Variants in SLC35F4 observed in about 807,000 individuals in gnomAD.
SLC35F4 encodes the protein chromosome 14 open reading frame 36.
In SLC35F4, 24 loss-of-function variants were observed where a neutral mutation model predicts 44.2. The observed-to-expected ratio is 0.54, with a 90% CI of 0.39 to 0.76. SLC35F4 has a LOEUF of 0.76. Among genes scored for constraint, SLC35F4 ranks in the 30% least tolerant of loss-of-function variants. The pLI is 0.00. For synonymous variants in SLC35F4, 238 were observed against 223.6 expected (o/e 1.06, Z -0.57); for missense variants, 562 against 586.1 (o/e 0.96, Z 0.42).
intron 1 of SLC35F4, among the ~76,000 whole-genome samples, chr14:57,614,923 C>T (rs2140065686): frequency 6.6e-6 from 1 of 152,268 alleles, no homozygotes; most frequent in Middle Eastern, 3.4e-3. Context: ...TTTAAGTGTT[C>T]TCGTCCATAA....
chr14:57,972,366 G>T (rs1308171866), downstream of SLC35F4, among the ~76,000 whole-genome samples: 1 of 152,128 alleles, frequency 6.6e-6, no homozygotes, highest in African/African-American at 2.4e-5. Context: ...CTACAGCACT[G>T]GTCCAGGTGG....
chr14:57,670,898 C>T (rs1438651886), intron 1 of SLC35F4, among the ~76,000 whole-genome samples: 9 of 114,056 alleles, frequency 7.9e-5, no homozygotes, highest in Admixed American at 4.4e-4. Flanking sequence ...GTAACTCATT[C>T]ATTCTTTTTT....
intron 1 of SLC35F4, among the ~76,000 whole-genome samples, chr14:57,690,226 A>G (rs2075190053): frequency 6.6e-6 from 1 of 152,202 alleles, no homozygotes; most frequent in Non-Finnish European, 1.5e-5. Context: ...TTTGGCAAAA[A>G]CTATTGAGCA....
chr14:57,754,588 A>T (rs918044875), intron 1 of SLC35F4, among the ~76,000 whole-genome samples: 12 of 152,172 alleles, frequency 7.9e-5, no homozygotes, highest in African/African-American at 2.7e-4. Flanking sequence ...CAGCTTTATG[A>T]GTGCATGACC....
intron 1 of SLC35F4, among the ~76,000 whole-genome samples, chr14:57,762,862 G>T (rs2077156652): frequency 6.6e-6 from 1 of 151,958 alleles, no homozygotes; most frequent in African/African-American, 2.4e-5. Flanking sequence ...CTCAGTCTGT[G>T]GTATTCTCTT....
intron 1 of SLC35F4, among the ~76,000 whole-genome samples, chr14:57,899,455 A>G (rs534212037): frequency 6.6e-6 from 1 of 152,266 alleles, no homozygotes; most frequent in Non-Finnish European, 1.5e-5. Flanking sequence ...TTCACAGAGA[A>G]GCTGTGAGGA....
intron 1 of SLC35F4, among the ~76,000 whole-genome samples, chr14:57,914,346 A>G (rs980792484): frequency 6.6e-6 from 1 of 151,954 alleles, no homozygotes; most frequent in Non-Finnish European, 1.5e-5. Flanking sequence ...GCCAGATCAC[A>G]AGGTCAGGAG....
intron 1 of SLC35F4, among the ~76,000 whole-genome samples, chr14:57,926,730 G>GC (rs943936166): frequency 1.6e-5 from 2 of 128,926 alleles, no homozygotes; most frequent in African/African-American, 7.2e-5. Context: ...AGGGTTGGGG[G>GC]GGGGGGGTGG....
chr14:57,678,115 G>A (rs961155425), intron 1 of SLC35F4, among the ~76,000 whole-genome samples: 2 of 152,026 alleles, frequency 1.3e-5, no homozygotes, highest in African/African-American at 4.8e-5. Flanking sequence ...GTTAAGGGCA[G>A]CAAGAGAGAA....
At chr14:57,611,892 G>C (rs1476278101) in intron 1 of SLC35F4, among the ~76,000 whole-genome samples, 2 of 152,146 alleles carry the variant, frequency 1.3e-5, no homozygotes, top group Non-Finnish European at 2.9e-5. Flanking sequence ...AATAAAACTG[G>C]ACAAAGCATA....
intron 1 of SLC35F4, among the ~76,000 whole-genome samples, chr14:57,755,008 C>A (rs2076964204): frequency 6.6e-6 from 1 of 152,140 alleles, no homozygotes; most frequent in South Asian, 2.1e-4. Flanking sequence ...GGAGCCCGGG[C>A]CCAGCAATGT....
At chr14:57,926,572 T>C (rs926559070) in intron 1 of SLC35F4, among the ~76,000 whole-genome samples, 67 of 152,158 alleles carry the variant, frequency 4.4e-4, no homozygotes, top group Admixed American at 4.1e-3. Flanking sequence ...GGAATTTATA[T>C]GTATATGTGC....
At chr14:57,679,220 T>C (rs986646198) in intron 1 of SLC35F4, among the ~76,000 whole-genome samples, 7 of 152,022 alleles carry the variant, frequency 4.6e-5, no homozygotes, top group Non-Finnish European at 8.8e-5. Flanking sequence ...ATTAAGAAAC[T>C]CACTCAAAAC....
At chr14:57,799,720 C>A (rs893828322) in intron 1 of SLC35F4, among the ~76,000 whole-genome samples, 1 of 152,232 alleles carries the variant, frequency 6.6e-6, no homozygotes, top group African/African-American at 2.4e-5. Flanking sequence ...CCCCTCAATG[C>A]AGCACAGCTG....
chr14:57,707,269 C>T (rs1243258078), intron 1 of SLC35F4, among the ~76,000 whole-genome samples: 1 of 152,130 alleles, frequency 6.6e-6, no homozygotes, highest in African/African-American at 2.4e-5. Context: ...TTTGTCCCCA[C>T]CGAAATCTCA....
Position 57,743,985 on chromosome 14 carries a change from T to C in SLC35F4, c.103+121738A>G, listed in dbSNP as rs995772166. Among the ~76,000 whole-genome samples, 6 of 152,258 alleles carry C rather than the reference T, an allele frequency of 3.9e-5. No individual in the cohort carries two copies. In the East Asian group the frequency reaches 1.2e-3, roughly 29 times the overall value. The stretch of plus-strand genomic sequence containing the variant: ...ACCAACGACAAAAACCACGTGATTA[T>C]CTCAATAGACGCAGAAAAAGCCTTC... On this transcript the variant is annotated intron_variant, in intron 1 of 7. Transcript: ENST00000556826.
chr14:57,914,313 C>T (rs1889274701), intron 1 of SLC35F4, among the ~76,000 whole-genome samples: 1 of 152,166 alleles, frequency 6.6e-6, no homozygotes, highest in African/African-American at 2.4e-5. Context: ...CCTGTAATCC[C>T]AGCACTTTGG....
intron 1 of SLC35F4, among the ~76,000 whole-genome samples, chr14:57,649,702 T>G (rs1351222067): frequency 1.3e-5 from 2 of 152,130 alleles, no homozygotes; most frequent in Non-Finnish European, 2.9e-5. Context: ...TCCACTGTAT[T>G]TCTAGTGGCT....
intron 1 of SLC35F4, among the ~76,000 whole-genome samples, chr14:57,916,939 C>T (rs1312826807): frequency 6.6e-6 from 1 of 152,122 alleles, no homozygotes; most frequent in Non-Finnish European, 1.5e-5. Flanking sequence ...CAAAGTCATT[C>T]TTCATTTATG....
Sources: allele counts gnomAD v4.1 joint callset (sites outside exome capture counted in the v4.1 genomes callset), GRCh38; gene constraint gnomAD v4.1.1; transcripts MANE v1.5; gene names NCBI Gene and HGNC (gene_info 2026-07-23, HGNC 2026-07-21).